TESMIN: variants seen among roughly 807,000 people sequenced by gnomAD.
TESMIN encodes CXC domain containing 2.
Under a neutral mutation model 47.4 loss-of-function variants are expected in TESMIN, and 34 were observed. The ratio of observed to expected loss-of-function variants is 0.72; its 90% CI spans 0.55 to 0.96. The LOEUF (loss-of-function observed/expected upper bound fraction) is 0.96, where lower values mean the gene tolerates loss of function less well. Among genes scored for constraint, TESMIN ranks in the 40% least tolerant of loss-of-function variants. The probability of loss-of-function intolerance (pLI) is 0.00; values close to 1 mark genes in which losing one functional copy is unlikely to be tolerated. For synonymous variants in TESMIN, 278 were observed against 258.9 expected, an observed-to-expected ratio of 1.07 and a Z score of -0.71; for missense variants, 610 against 637.2, an observed-to-expected ratio of 0.96 and a Z score of 0.46.
chr11:68,721,447 C>A (rs527413321), intron 6 of TESMIN, among the ~76,000 whole-genome samples: 2 of 152,204 alleles, frequency 1.3e-5, no homozygotes, highest in East Asian at 3.9e-4. Flanking sequence ...CCCCTCAGCC[C>A]ATTACTGCTC....
chr11:68,741,358 T>C (rs1053307771), intron 5 of TESMIN, among the ~76,000 whole-genome samples: 11 of 152,154 alleles, frequency 7.2e-5, no homozygotes, highest in Non-Finnish European at 2.9e-5. Context: ...GCTCATTCCC[T>C]CATCTCTTTA....
chr11:68,711,296 G>A (rs1020682585), intron 8 of TESMIN, among the ~76,000 whole-genome samples: 10 of 101,218 alleles, frequency 9.9e-5, no homozygotes, highest in East Asian at 4.0e-4. Context: ...TGTGTTGAGC[G>A]TGTATATGAG....
At chr11:68,705,146 C>T (rs1945986446), downstream of TESMIN, among the ~76,000 whole-genome samples, 3 of 152,210 alleles carry the variant, frequency 2.0e-5, no homozygotes, top group Admixed American at 2.0e-4. Context: ...GCCCCATGCA[C>T]AAAGCTGTGC....
At chr11:68,737,249 A>G in intron 6 of TESMIN, 2 of 985,504 alleles carry the variant, frequency 2.0e-6, no homozygotes, top group South Asian at 9.4e-5. Context: ...CAGAGAGTGA[A>G]GCAAGCAGCA....
At chr11:68,744,605 G>T (rs1301868930) in intron 4 of TESMIN, among the ~76,000 whole-genome samples, 5 of 152,172 alleles carry the variant, frequency 3.3e-5, no homozygotes, top group African/African-American at 1.2e-4. Flanking sequence ...TAAAATGTAG[G>T]TGTTTACACC....
chr11:68,725,642 TTG>T (rs1946253620), intron 6 of TESMIN, among the ~76,000 whole-genome samples: 1 of 27,780 alleles, frequency 3.6e-5, no homozygotes, highest in South Asian at 1.5e-3. Context: ...CAGTTTTTTG[TTG>T]TTGTTGTTGT....
At chr11:68,740,590 T>C (rs967415215) in intron 5 of TESMIN, among the ~76,000 whole-genome samples, 2 of 152,170 alleles carry the variant, frequency 1.3e-5, no homozygotes, top group African/African-American at 4.8e-5. Flanking sequence ...AGGAGGATTC[T>C]ATGAGGTTCC....
intron 6 of TESMIN, chr11:68,737,842 G>C: frequency 2.4e-6 from 2 of 828,426 alleles, no homozygotes; most frequent in South Asian, 1.1e-4. Flanking sequence ...GAACCCAGGA[G>C]GCGGAGGTTG....
chr11:68,735,984 GGCTCCAGATGGACT>G, intron 6 of TESMIN: 2 of 745,456 alleles, frequency 2.7e-6, no homozygotes, highest in Non-Finnish European at 3.3e-6. Flanking sequence ...TCACTTCCAT[GGCTCCAGATGGACT>G]GCTCTCTCAG....
intron 6 of TESMIN, chr11:68,736,365 A>C: frequency 1.0e-6 from 1 of 985,494 alleles, no homozygotes. Flanking sequence ...TCGCACACTC[A>C]GCCTGCTGGC....
At chr11:68,721,832 C>A (rs7101673) in intron 6 of TESMIN, among the ~76,000 whole-genome samples, 1 of 151,948 alleles carries the variant, frequency 6.6e-6, no homozygotes, top group African/African-American at 2.4e-5. Context: ...AATAAGCAAG[C>A]GAAAAAGCAG....
At chr11:68,737,576 C>T in intron 6 of TESMIN, 2 of 985,596 alleles carry the variant, frequency 2.0e-6, no homozygotes, top group Non-Finnish European at 2.4e-6. Context: ...TGTTTGACTG[C>T]TGTCTCTCAG....
intron 9 of TESMIN, chr11:68,710,456 C>T (rs909061492): frequency 1.6e-4 from 26 of 163,862 alleles, no homozygotes; most frequent in African/African-American, 6.0e-4. Context: ...ACAATCTGGA[C>T]CAAGTACAGC....
intron 6 of TESMIN, among the ~76,000 whole-genome samples, chr11:68,730,520 C>T (rs1465284121): frequency 2.0e-5 from 3 of 152,274 alleles, no homozygotes; most frequent in East Asian, 3.9e-4. Context: ...TCTGGCTGGG[C>T]GCAGTGACTC....
At chr11:68,719,908 T>A (rs1946185554) in intron 6 of TESMIN, among the ~76,000 whole-genome samples, 1 of 151,942 alleles carries the variant, frequency 6.6e-6, no homozygotes, top group Non-Finnish European at 1.5e-5. Context: ...ATCTTTGGAG[T>A]GAGGATATCT....
At chr11:68,722,357 C>A (rs1946212758) in intron 6 of TESMIN, among the ~76,000 whole-genome samples, 1 of 152,112 alleles carries the variant, frequency 6.6e-6, no homozygotes, top group African/African-American at 2.4e-5. Flanking sequence ...TTGCGCAACA[C>A]TGTGAATATA....
intron 6 of TESMIN, among the ~76,000 whole-genome samples, chr11:68,723,568 A>G (rs1946227301): frequency 6.6e-6 from 1 of 152,082 alleles, no homozygotes; most frequent in South Asian, 2.1e-4. Flanking sequence ...AGCAGTAAAA[A>G]GCAGAAATTA....
chr11:68,751,062 CA>C (rs1428693530), intron 1 of TESMIN, among the ~76,000 whole-genome samples: 2 of 54,252 alleles, frequency 3.7e-5, no homozygotes, highest in East Asian at 5.2e-4. Flanking sequence ...GAGGGGCGGC[CA>C]GGGGAGGGGG....
At chr11:68,704,850 C>G (rs987771749), downstream of TESMIN, among the ~76,000 whole-genome samples, 9 of 152,068 alleles carry the variant, frequency 5.9e-5, no homozygotes, top group African/African-American at 2.2e-4. Context: ...AAAAACAAAC[C>G]AGCTACCATT....
Sources: allele counts gnomAD v4.1 joint callset (sites outside exome capture counted in the v4.1 genomes callset), GRCh38; gene constraint gnomAD v4.1.1; transcripts MANE v1.5; gene names NCBI Gene and HGNC (gene_info 2026-07-23, HGNC 2026-07-21).